PABPC1L: variants seen among roughly 807,000 people sequenced by gnomAD.
PABPC1L encodes polyadenylate-binding protein 1-like.
In PABPC1L, 31 loss-of-function variants were observed where a neutral mutation model predicts 66.6. That is an observed-to-expected ratio of 0.47 (90% CI 0.35 to 0.63). The LOEUF (loss-of-function observed/expected upper bound fraction) is 0.63, where lower values mean the gene tolerates loss of function less well. PABPC1L is among the 20% of genes least tolerant of loss of function. The pLI is 0.00. For synonymous variants in PABPC1L, 348 were observed against 335.1 expected (o/e 1.04, Z -0.42); for missense variants, 722 against 848.8 (o/e 0.85, Z 1.86).
chr20:44,921,841 T>C, intron 6 of PABPC1L, 110 bp downstream of exon 6: 1 of 1,517,654 alleles, frequency 6.6e-7, no homozygotes, highest in Non-Finnish European at 8.9e-7. Flanking sequence ...GGCACTTGGC[T>C]CAAGGCGGGA....
At position 44,938,209 on chromosome 20, in the gene PABPC1L, C is replaced by T. The variant is rs371901025; in HGVS notation, c.1791+18C>T. 1.2e-6 allele frequency: 2 copies of T among 1,611,108 alleles called. No individual in the cohort carries two copies. The highest frequency in any genetic ancestry group is 1.7e-6 in the Non-Finnish European group (2 of 1,178,650). ...ATGCCAAGGTAAGCAGGAGCCTGGG[C>T]AGCAGGGAGCCCGAGGGGGCAGGAG... On this transcript the variant is annotated intron_variant, in intron 13 of 14. Coordinates refer to ENST00000217073, the MANE Select transcript of PABPC1L (RefSeq NM_001372179.1).
intron 6 of PABPC1L, among the ~76,000 whole-genome samples, chr20:44,923,071 G>A (rs1448561621): frequency 1.3e-5 from 2 of 152,220 alleles, no homozygotes; most frequent in Non-Finnish European, 2.9e-5. Flanking sequence ...CTGTACAATT[G>A]TGCGGTCTCT....
chr20:44,912,007 G>A (rs1217182423), intron 1 of PABPC1L, among the ~76,000 whole-genome samples: 1 of 152,196 alleles, frequency 6.6e-6, no homozygotes, highest in Non-Finnish European at 1.5e-5. Context: ...ACATTATTTT[G>A]TGTCAGGCAC....
intron 12 of PABPC1L, 163 bp downstream of exon 12, chr20:44,936,893 G>A: frequency 1.4e-6 from 1 of 725,636 alleles, no homozygotes; most frequent in Non-Finnish European, 2.5e-6. Flanking sequence ...CTATTCTCTA[G>A]GCACCTGTTA....
At chr20:44,929,794 CAA>C (rs569532056) in intron 7 of PABPC1L, among the ~76,000 whole-genome samples, 29 of 101,206 alleles carry the variant, frequency 2.9e-4, no homozygotes, top group African/African-American at 5.2e-4. Flanking sequence ...AACTATGTCT[CAA>C]AAAAAAAAAA....
At chr20:44,935,744 G>T (rs2066896573) in intron 11 of PABPC1L, among the ~76,000 whole-genome samples, 2 of 152,182 alleles carry the variant, frequency 1.3e-5, no homozygotes, top group Non-Finnish European at 2.9e-5. Context: ...CTTAGTATTT[G>T]TGATGAACAC....
At chr20:44,921,847 C>T (rs542484465) in intron 6 of PABPC1L, 116 bp downstream of exon 6, 116 of 1,488,136 alleles carry the variant, frequency 7.8e-5, no homozygotes, top group African/African-American at 2.4e-4. Context: ...TGGCTCAAGG[C>T]GGGAATTGAA....
intron 3 of PABPC1L, 76 bp from the exon 4 acceptor site, chr20:44,918,830 T>C: frequency 6.7e-7 from 1 of 1,500,296 alleles, no homozygotes; most frequent in Non-Finnish European, 8.9e-7. Flanking sequence ...GGGCAGCAGT[T>C]GAGCAGGAGT....
chr20:44,924,281 G>A (rs767867392), intron 7 of PABPC1L, 25 bp downstream of exon 7: 11 of 1,546,020 alleles, frequency 7.1e-6, no homozygotes, highest in South Asian at 1.1e-5. Flanking sequence ...CACCTCCGGG[G>A]GACAGCGTTC....
chr20:44,938,648 G>A, intron 13 of PABPC1L, 26 bp from the exon 14 acceptor site: 2 of 1,583,420 alleles, frequency 1.3e-6, no homozygotes, highest in Non-Finnish European at 1.7e-6. Context: ...GCTGCACTAA[G>A]CCCCCCCGCC....
Position 44,932,392 on chromosome 20 carries a change from G to A in PABPC1L, c.1290G>A (p.Gln430=). 1 of 1,613,734 alleles carries A rather than the reference G, an allele frequency of 6.2e-7. No individual in the cohort carries two copies. Among genetic ancestry groups the A allele is most frequent in the Non-Finnish European group, 8.5e-7 (1 of 1,179,784 alleles). The change falls in exon 9 of 15, where the codon CAG becomes CAA. Residue 430 remains glutamine, a synonymous_variant. Coordinates refer to ENST00000217073, the MANE Select transcript of PABPC1L (RefSeq NM_001372179.1). ...YYGCGPVTPT[Q]PAPRWTSQPP... is the part of the protein sequence containing the mutation. ...GCTGTGGCCCAGTGACACCCACCCA[G>A]CCTGCCCCCAGGTGGACATCCCAGC... is the stretch of plus-strand genomic sequence containing the variant.
At chr20:44,926,383 T>C (rs1019901673) in intron 7 of PABPC1L, among the ~76,000 whole-genome samples, 12 of 148,638 alleles carry the variant, frequency 8.1e-5, no homozygotes, top group Admixed American at 2.0e-4. Context: ...CCTGCCACCA[T>C]GCCCAGCTAA....
Position 44,912,927 on chromosome 20 carries a change from C to T in PABPC1L, c.387+74C>T, listed in dbSNP as rs915021928. Reference sequence around the variant, plus strand: ...TGCCTGGTAGAGGGGTGACAAGCAACACCTCACTTTACAGTTTACAAGGTC... The same window carrying T: ...TGCCTGGTAGAGGGGTGACAAGCAATACCTCACTTTACAGTTTACAAGGTC... On this transcript the variant is annotated intron_variant, in intron 2 of 14. Transcript: ENST00000217073. The T allele has an allele frequency of 6.1e-5, 84 of 1,388,344 alleles. 1 individual carries two copies. Among genetic ancestry groups the T allele is most frequent in the Middle Eastern group, 3.8e-4 (2 of 5,290 alleles). The allele number at this position is 1,388,344 out of a possible 1,614,324, so 86.0% of individuals were successfully genotyped here.
chr20:44,924,683 G>A (rs1274739806), intron 7 of PABPC1L, among the ~76,000 whole-genome samples: 1 of 152,330 alleles, frequency 6.6e-6, no homozygotes, highest in South Asian at 2.1e-4. Flanking sequence ...TATTTCTGGA[G>A]CACCAATTGT....
At chr20:44,916,254 CTT>C (rs2066736977) in intron 2 of PABPC1L, among the ~76,000 whole-genome samples, 1 of 152,116 alleles carries the variant, frequency 6.6e-6, no homozygotes, top group Non-Finnish European at 1.5e-5. Context: ...CGTTCTCCCT[CTT>C]AAATCTGTTT....
rs1568649413 is a variant in PABPC1L, at chr20:44,930,551, G to A, written c.1064G>A (p.Gly355Glu). Residue 355 changes from glycine to glutamate, a missense_variant, in exon 8 of 15, where the codon GGG (glycine) becomes GAG (glutamate). By Grantham distance (98) the Gly-to-Glu change is moderately conservative. Transcript: ENST00000217073. ...EATKAVTEMN[G>E]RIVGTKPLYV... ...ACAAAGGCCGTGACAGAGATGAACG[G>A]GCGCATCGTGGGCACCAAGCCACTC... 1 of 1,614,234 alleles carries A rather than the reference G, an allele frequency of 6.2e-7. No individual in the cohort carries two copies. The highest frequency in any genetic ancestry group is 1.7e-5 in the Admixed American group (1 of 60,030).
intron 8 of PABPC1L, among the ~76,000 whole-genome samples, chr20:44,931,236 G>T (rs931187880): frequency 6.6e-6 from 1 of 151,242 alleles, no homozygotes; most frequent in African/African-American, 2.4e-5. Flanking sequence ...GAGAGCAATG[G>T]CATGATCATG....
At chr20:44,925,210 CAAAAAAAAAAA>C (rs34623911) in intron 7 of PABPC1L, among the ~76,000 whole-genome samples, 1 of 75,486 alleles carries the variant, frequency 1.3e-5, no homozygotes, top group African/African-American at 5.0e-5. Flanking sequence ...GACTCTGTCT[CAAAAAAAAAAA>C]AAAAAAAAAG....
chr20:44,913,357 A>G (rs1426860492), intron 2 of PABPC1L, among the ~76,000 whole-genome samples: 1 of 151,826 alleles, frequency 6.6e-6, no homozygotes, highest in Admixed American at 6.6e-5. Context: ...CAAGAGTGGA[A>G]GCACACCAGG....
Sources: allele counts gnomAD v4.1 joint callset (sites outside exome capture counted in the v4.1 genomes callset), GRCh38; gene constraint gnomAD v4.1.1; transcripts MANE v1.5; gene names NCBI Gene and HGNC (gene_info 2026-07-23, HGNC 2026-07-21).